EPB41L3: variants seen among roughly 807,000 people sequenced by gnomAD.
The protein encoded by EPB41L3 is erythrocyte membrane protein band 4.1 like 3.
In EPB41L3, 57 loss-of-function variants were observed where a neutral mutation model predicts 127.1. The observed-to-expected ratio is 0.45, with a 90% CI of 0.36 to 0.56. The LOEUF (loss-of-function observed/expected upper bound fraction) is 0.56, where lower values mean the gene tolerates loss of function less well. Ranked by LOEUF, EPB41L3 falls within the 20% of genes least tolerant of loss-of-function variation. EPB41L3 has a pLI of 0.00. For synonymous variants in EPB41L3, 572 were observed against 549.5 expected, an observed-to-expected ratio of 1.04 and a Z score of -0.57; for missense variants, 1,273 against 1,372.2, an observed-to-expected ratio of 0.93 and a Z score of 1.14.
chr18:5,606,172 T>G (rs1474088997), intron 3 of EPB41L3, among the ~76,000 whole-genome samples: 3 of 152,196 alleles, frequency 2.0e-5, no homozygotes, highest in Non-Finnish European at 4.4e-5. Context: ...GACCTTTCCA[T>G]GCAACATATA....
At chr18:5,534,310 A>G (rs1241879882) in intron 1 of EPB41L3, among the ~76,000 whole-genome samples, 4 of 152,240 alleles carry the variant, frequency 2.6e-5, no homozygotes, top group African/African-American at 7.2e-5. Context: ...TCATTTGACA[A>G]TAGTGAAGAA....
At chr18:5,492,289 C>CAAGGTTCCCTTCTCTTCTGAT (rs1555757225) in intron 1 of EPB41L3, among the ~76,000 whole-genome samples, 4 of 147,328 alleles carry the variant, frequency 2.7e-5, no homozygotes, top group African/African-American at 1.1e-4. Flanking sequence ...CACTGCACTC[C>CAAGGTTCCCTTCTCTTCTGAT]AGCCTGGGTG....
At chr18:5,588,537 A>G (rs917016899) in intron 3 of EPB41L3, among the ~76,000 whole-genome samples, 1 of 58,346 alleles carries the variant, frequency 1.7e-5, no homozygotes, top group African/African-American at 4.2e-5. Context: ...AAATATGTGT[A>G]TATATATATA....
At chr18:5,456,775 A>G (rs7229687) in intron 3 of EPB41L3, among the ~76,000 whole-genome samples, 59,580 of 152,106 alleles carry the variant, frequency 0.39, 11,774 homozygotes, top group East Asian at 0.47. Context: ...CCACAATCCC[A>G]GAAAGCCAGT....
intron 16 of EPB41L3, among the ~76,000 whole-genome samples, chr18:5,402,699 T>G (rs1290200763): frequency 1.3e-5 from 2 of 152,174 alleles, no homozygotes; most frequent in Non-Finnish European, 2.9e-5. Flanking sequence ...TTCACTTTTA[T>G]CAGGGGTTAG....
chr18:5,629,413 C>CA, upstream of EPB41L3, among the ~76,000 whole-genome samples: 1 of 96,886 alleles, frequency 1.0e-5, no homozygotes, highest in East Asian at 4.4e-4. Flanking sequence ...CATCCTTACA[C>CA]ACCACACACA....
chr18:5,480,022 A>G (rs944930380), intron 2 of EPB41L3: 9 of 151,748 alleles, frequency 5.9e-5, no homozygotes, highest in Non-Finnish European at 1.2e-4. Context: ...GTCTCTTCAT[A>G]GGCAAAGGTC....
intron 3 of EPB41L3, among the ~76,000 whole-genome samples, chr18:5,470,289 C>T (rs2085874611): frequency 6.6e-6 from 1 of 152,190 alleles, no homozygotes; most frequent in Non-Finnish European, 1.5e-5. Context: ...CAATCTCACA[C>T]ATAAGCTCAA....
chr18:5,541,715 G>A (rs1598840514), intron 1 of EPB41L3, among the ~76,000 whole-genome samples: 1 of 152,148 alleles, frequency 6.6e-6, no homozygotes, highest in East Asian at 1.9e-4. Context: ...ATAAAAAATT[G>A]CTTTTAACCT....
chr18:5,537,959 T>C (rs2093618947), intron 1 of EPB41L3, among the ~76,000 whole-genome samples: 1 of 152,150 alleles, frequency 6.6e-6, no homozygotes, highest in African/African-American at 2.4e-5. Context: ...ATAAAGTACA[T>C]TTCAAAAAAT....
chr18:5,406,425 T>A (rs562686604), intron 16 of EPB41L3, among the ~76,000 whole-genome samples: 3 of 152,244 alleles, frequency 2.0e-5, no homozygotes. Context: ...TCAATGGGCC[T>A]CAAGCAAAAG....
chr18:5,525,541 G>A (rs906040408), intron 1 of EPB41L3, among the ~76,000 whole-genome samples: 3 of 152,108 alleles, frequency 2.0e-5, no homozygotes, highest in Non-Finnish European at 4.4e-5. Context: ...TGCAATATTA[G>A]TAAGTTACTG....
Position 5,396,188 on chromosome 18 carries a change from C to T in EPB41L3, c.2973+13G>A, listed in dbSNP as rs763191755. 29 of 1,613,930 alleles carry T rather than the reference C, an allele frequency of 1.8e-5. No homozygotes were observed. Among genetic ancestry groups the T allele is most frequent in the Non-Finnish European group, 2.5e-5 (29 of 1,179,906 alleles). On this transcript the variant is annotated intron_variant, in intron 19 of 22. Coordinates refer to ENST00000341928, the MANE Select transcript of EPB41L3 (RefSeq NM_012307.5). ...TAAGCAGCCAGGGCTCTGGTCTTCACAGAATATCTCACCTGTGATGATTCA... is the reference window on the plus strand; with the variant it reads ...TAAGCAGCCAGGGCTCTGGTCTTCATAGAATATCTCACCTGTGATGATTCA...
chr18:5,520,519 T>C (rs549507452), intron 1 of EPB41L3, among the ~76,000 whole-genome samples: 9 of 150,402 alleles, frequency 6.0e-5, no homozygotes, highest in African/African-American at 2.2e-4. Flanking sequence ...TCCTTCCAAG[T>C]TGTATCACCC....
At chr18:5,463,280 C>T (rs1386017232) in intron 3 of EPB41L3, among the ~76,000 whole-genome samples, 1 of 152,176 alleles carries the variant, frequency 6.6e-6, no homozygotes, top group South Asian at 2.1e-4. Flanking sequence ...CTACATAAAG[C>T]TCCTCAGAAG....
chr18:5,434,180 G>T, intron 6 of EPB41L3, 59 bp from the exon 7 acceptor site: 2 of 1,442,890 alleles, frequency 1.4e-6, no homozygotes, highest in South Asian at 2.3e-5. Context: ...GGAAAAGGAG[G>T]TCGCTTGGTA....
intron 1 of EPB41L3, among the ~76,000 whole-genome samples, chr18:5,626,163 T>C (rs543800229): frequency 1.3e-5 from 2 of 152,308 alleles, no homozygotes; most frequent in East Asian, 1.9e-4. Context: ...CACTGGAACA[T>C]TGGTGCTTGC....
chr18:5,608,989 G>T (rs1364987294), intron 3 of EPB41L3, among the ~76,000 whole-genome samples: 1 of 152,170 alleles, frequency 6.6e-6, no homozygotes, highest in Non-Finnish European at 1.5e-5. Context: ...CACCAGAATA[G>T]AAAATCTTAC....
chr18:5,396,180 G>A, intron 19 of EPB41L3, 21 bp downstream of exon 19: 1 of 1,613,904 alleles, frequency 6.2e-7, no homozygotes, highest in Non-Finnish European at 8.5e-7. Context: ...CCAGGGCTCT[G>A]GTCTTCACAG....
Sources: gnomAD v4.1 joint callset for allele counts (sites outside exome capture counted in the v4.1 genomes callset) on GRCh38, gnomAD v4.1.1 for gene constraint, MANE v1.5 for transcripts, NCBI Gene and HGNC (gene_info 2026-07-23, HGNC 2026-07-21) for gene names.